DUS2: variants seen among roughly 807,000 people sequenced by gnomAD.
DUS2 encodes the protein tRNA-dihydrouridine(20) synthase [NAD(P)+]-like.
DUS2 carries 52 observed loss-of-function variants against 71.3 expected under a neutral mutation model. That is an observed-to-expected ratio of 0.73 (90% CI 0.58 to 0.92). The LOEUF is 0.92. Ranked by LOEUF, DUS2 falls within the 40% of genes least tolerant of loss-of-function variation. The pLI is 0.00. For missense variants in DUS2, 558 were observed against 622.6 expected (o/e 0.90, Z 1.10); for synonymous variants, 204 against 227.8 (o/e 0.90, Z 0.94).
Position 68,029,220 on chromosome 16 carries a change from A to G in DUS2, c.-19+3726A>G, listed in dbSNP as rs774144099. ...GTCCCATCTCTAAAAAAAAAAAGCTATATCACCTCTTTCTCCTCAAATCTA... is the reference window on the plus strand; with the variant it reads ...GTCCCATCTCTAAAAAAAAAAAGCTGTATCACCTCTTTCTCCTCAAATCTA... On this transcript the variant is annotated intron_variant, in intron 2 of 16. Coordinates refer to ENST00000565263, the MANE Select transcript of DUS2 (RefSeq NM_017803.5). 3.3e-5 allele frequency among the ~76,000 whole-genome samples: 5 copies of G among 151,760 alleles called. 1 individual carries two copies. Among genetic ancestry groups the G allele is most frequent in the Non-Finnish European group, 7.4e-5 (5 of 67,914 alleles).
intron 2 of DUS2, among the ~76,000 whole-genome samples, chr16:68,036,873 A>AT (rs564820179): frequency 0.039 from 5,729 of 145,900 alleles, 119 homozygotes; most frequent in Middle Eastern, 0.14. Context: ...TCTTTGCTCC[A>AT]TTTTTTTTTT....
intron 10 of DUS2, among the ~76,000 whole-genome samples, chr16:68,067,369 T>C (rs2034025513): frequency 7.6e-6 from 1 of 132,344 alleles, no homozygotes; most frequent in African/African-American, 2.9e-5. Flanking sequence ...GCAATCTCCA[T>C]CTCCCGGGTT....
At chr16:68,075,608 AC>A in intron 14 of DUS2, 104 bp downstream of exon 14, 1 of 1,193,442 alleles carries the variant, frequency 8.4e-7, no homozygotes, top group Non-Finnish European at 1.1e-6. Context: ...AAACGTAGGG[AC>A]CACAGGTCTT....
In DUS2 at chr16:68,023,326, G is replaced by A; in HGVS notation, c.-124G>A. The A allele has an allele frequency of 8.2e-7, 1 of 1,217,154 alleles. No homozygotes were observed. Among genetic ancestry groups the A allele is most frequent in the South Asian group, 1.6e-5 (1 of 63,868 alleles). The allele number at this position is 1,217,154 out of a possible 1,614,324, so 75.4% of individuals were successfully genotyped here. ...TGGAGCACCGTGAGGAAGAAGCGAG[G>A]TTCTTTTTAAGAGTTCAGCTGCGAG... On this transcript the variant is annotated 5_prime_UTR_variant, in exon 1 of 17. Transcript: ENST00000565263.
At chr16:68,043,299 G>A (rs889200243) in intron 3 of DUS2, among the ~76,000 whole-genome samples, 1 of 152,120 alleles carries the variant, frequency 6.6e-6, no homozygotes. Context: ...CCAGCTACTG[G>A]GGAGGCTGAG....
intron 10 of DUS2, 125 bp downstream of exon 10, chr16:68,066,761 C>G: frequency 1.1e-6 from 1 of 951,290 alleles, no homozygotes; most frequent in Non-Finnish European, 1.7e-6. Context: ...CTACCTCTGC[C>G]TAGCTCTTTG....
At position 68,078,938 on chromosome 16, in the gene DUS2, C is replaced by G. The variant is rs1260149579; in HGVS notation, c.1434C>G (p.Pro478=). 6.3e-7 allele frequency: 1 copy of G among 1,599,118 alleles called. No individual in the cohort carries two copies. Among genetic ancestry groups the G allele is most frequent in the Non-Finnish European group, 8.5e-7 (1 of 1,170,352 alleles). Residue 478 remains proline (P), a synonymous_variant, in exon 17 of 17, where the codon CCC becomes CCG. Coordinates refer to ENST00000565263, the MANE Select transcript of DUS2 (RefSeq NM_017803.5). The part of the protein sequence containing the change: ...LAQPGDLCKK[P]FVALGSGEES... ...AACCTGGGGATCTGTGCAAGAAGCCCTTTGTGGCCTTGGGAAGTGGTGAAG... is the reference window on the plus strand; with the variant it reads ...AACCTGGGGATCTGTGCAAGAAGCCGTTTGTGGCCTTGGGAAGTGGTGAAG...
At chr16:68,046,175 C>T (rs1291282339) in intron 3 of DUS2, among the ~76,000 whole-genome samples, 1 of 152,094 alleles carries the variant, frequency 6.6e-6, no homozygotes, top group Non-Finnish European at 1.5e-5. Flanking sequence ...CCAATAGGAT[C>T]TTTTTTAGCC....
intron 3 of DUS2, among the ~76,000 whole-genome samples, chr16:68,048,615 A>G (rs2033736187): frequency 6.6e-6 from 1 of 152,210 alleles, no homozygotes; most frequent in Non-Finnish European, 1.5e-5. Flanking sequence ...GGGAAGTCCC[A>G]TGGATACTAT....
intron 8 of DUS2, 87 bp downstream of exon 8, chr16:68,061,200 A>G: frequency 7.3e-7 from 1 of 1,362,960 alleles, no homozygotes; most frequent in South Asian, 1.2e-5. Context: ...CCAATACCAG[A>G]TTTACTGATG....
At chr16:68,030,066 G>A (rs2033415428) in intron 2 of DUS2, among the ~76,000 whole-genome samples, 1 of 151,776 alleles carries the variant, frequency 6.6e-6, no homozygotes, top group Non-Finnish European at 1.5e-5. Flanking sequence ...TTTTAAGCAA[G>A]CTTTGTCTTT....
In DUS2 at chr16:68,070,129, C is replaced by A; in HGVS notation, c.555-5C>A. ...AGCCCTCAGCCCCATCTTTCTATCT[C>A]CAAGGAAGCGGGAGGAGCGACCTCA... On this transcript the variant is annotated splice_region_variant and splice_polypyrimidine_tract_variant and intron_variant, in intron 10 of 16. Transcript: ENST00000565263. The A allele has an allele frequency of 6.2e-7, 1 of 1,614,024 alleles. No homozygotes were observed. Among genetic ancestry groups the A allele is most frequent in the Non-Finnish European group, 8.5e-7 (1 of 1,179,920 alleles).
intron 15 of DUS2, 64 bp from the exon 16 acceptor site, chr16:68,078,381 C>A: frequency 6.8e-7 from 1 of 1,461,978 alleles, no homozygotes; most frequent in Non-Finnish European, 9.6e-7. Flanking sequence ...TTGATTTGAC[C>A]CCAGCAGTTT....
intron 4 of DUS2, among the ~76,000 whole-genome samples, chr16:68,051,745 T>A (rs533055414): frequency 6.6e-6 from 1 of 152,142 alleles, no homozygotes; most frequent in Non-Finnish European, 1.5e-5. Context: ...TCACTTAACA[T>A]TGAACCCACT....
chr16:68,023,294 G>T lies in DUS2; in HGVS notation c.-156G>T. The stretch of plus-strand genomic sequence containing the variant: ...TGGCTGGCGAGGCTCAGTACGGTGT[G>T]TGGAGCTGGAGCACCGTGAGGAAGA... On this transcript the variant is annotated 5_prime_UTR_variant, in exon 1 of 17. Coordinates refer to ENST00000565263, the MANE Select transcript of DUS2 (RefSeq NM_017803.5). 1 of 1,411,904 alleles carries T rather than the reference G, an allele frequency of 7.1e-7. No homozygotes were observed. The highest frequency in any genetic ancestry group is 1.4e-5 in the South Asian group (1 of 73,426). 87.5% of individuals were successfully genotyped at this position (1,411,904 alleles called of 1,614,324 possible).
intron 7 of DUS2, among the ~76,000 whole-genome samples, chr16:68,058,458 C>G (rs1470463433): frequency 6.6e-6 from 1 of 152,010 alleles, no homozygotes; most frequent in African/African-American, 2.4e-5. Context: ...GAACGCCTGA[C>G]CTCGTGATCC....
chr16:68,066,659 A>C, intron 10 of DUS2, 23 bp downstream of exon 10: 1 of 1,612,248 alleles, frequency 6.2e-7, no homozygotes, highest in Non-Finnish European at 8.5e-7. Flanking sequence ...CTTTCTAGTG[A>C]CTGGCAGGGA....
At chr16:68,042,574 T>C (rs1034751349) in intron 3 of DUS2, among the ~76,000 whole-genome samples, 1 of 152,210 alleles carries the variant, frequency 6.6e-6, no homozygotes, top group Non-Finnish European at 1.5e-5. Context: ...TCACCCAGGC[T>C]GGAGTGCAGT....
intron 7 of DUS2, among the ~76,000 whole-genome samples, chr16:68,057,058 A>G (rs1018892592): frequency 3.6e-5 from 5 of 137,438 alleles, no homozygotes; most frequent in Non-Finnish European, 6.1e-5. Flanking sequence ...TTATATATAT[A>G]TGTAATATAT....
Sources: gnomAD v4.1 joint callset for allele counts (sites outside exome capture counted in the v4.1 genomes callset) on GRCh38, gnomAD v4.1.1 for gene constraint, MANE v1.5 for transcripts, NCBI Gene and HGNC (gene_info 2026-07-23, HGNC 2026-07-21) for gene names.